Variants in SPIDR observed in about 807,000 individuals in gnomAD.
The protein encoded by SPIDR is DNA repair-scaffolding protein.
Under a neutral mutation model 104.6 loss-of-function variants are expected in SPIDR, and 93 were observed. The ratio of observed to expected loss-of-function variants is 0.89; its 90% confidence interval spans 0.75 to 1.06. The LOEUF (loss-of-function observed/expected upper bound fraction) is 1.06, where lower values mean the gene tolerates loss of function less well. SPIDR is among the 50% of genes least tolerant of loss of function. SPIDR has a pLI of 0.00. For missense variants in SPIDR, 1,154 were observed against 1,111.2 expected (o/e 1.04, Z -0.55); for synonymous variants, 431 against 416.9 (o/e 1.03, Z -0.41).
At chr8:47,466,944 G>A (rs12547977) in intron 8 of SPIDR, among the ~76,000 whole-genome samples, 1 of 134,070 alleles carries the variant, frequency 7.5e-6, no homozygotes, top group Non-Finnish European at 1.6e-5. Context: ...TAGATAGATA[G>A]ATAGATATAA....
chr8:47,454,279 A>G (rs920041908), intron 8 of SPIDR, among the ~76,000 whole-genome samples: 9 of 152,220 alleles, frequency 5.9e-5, no homozygotes, highest in African/African-American at 1.9e-4. Context: ...CATACACACC[A>G]TGGAATACCA....
chr8:47,589,122 C>G (rs538623046), intron 8 of SPIDR, among the ~76,000 whole-genome samples: 439 of 128,176 alleles, frequency 3.4e-3, no homozygotes, highest in Middle Eastern at 0.021. Context: ...CTTCTGTTTT[C>G]TAGAAGACAG....
chr8:47,522,265 C>T (rs764337716), intron 8 of SPIDR, among the ~76,000 whole-genome samples: 27 of 151,844 alleles, frequency 1.8e-4, no homozygotes, highest in Non-Finnish European at 3.2e-4. Flanking sequence ...TCCTCCTGTG[C>T]GCCACTCTTC....
At chr8:47,380,022 G>T (rs2059140451) in intron 5 of SPIDR, among the ~76,000 whole-genome samples, 1 of 152,044 alleles carries the variant, frequency 6.6e-6, no homozygotes, top group Non-Finnish European at 1.5e-5. Flanking sequence ...TTAATTCTTT[G>T]CCTTGAATAA....
At chr8:47,510,240 ATGTC>A (rs1170854367) in intron 8 of SPIDR, among the ~76,000 whole-genome samples, 11 of 152,240 alleles carry the variant, frequency 7.2e-5, no homozygotes, top group African/African-American at 4.8e-5. Context: ...TCTTGGCAAA[ATGTC>A]TGTGTCAACT....
At chr8:47,573,938 A>T (rs1431019274) in intron 8 of SPIDR, among the ~76,000 whole-genome samples, 1 of 152,200 alleles carries the variant, frequency 6.6e-6, no homozygotes, top group Admixed American at 6.5e-5. Context: ...ATTCAAGAGA[A>T]ATTATGCTTC....
chr8:47,524,011 A>G (rs1017940922), intron 8 of SPIDR, among the ~76,000 whole-genome samples: 1 of 152,240 alleles, frequency 6.6e-6, no homozygotes, highest in Non-Finnish European at 1.5e-5. Context: ...CTGGTGTGGT[A>G]GCTTCTAAAA....
At chr8:47,597,180 A>G (rs922039404) in intron 9 of SPIDR, among the ~76,000 whole-genome samples, 2 of 152,272 alleles carry the variant, frequency 1.3e-5, no homozygotes, top group African/African-American at 4.8e-5. Flanking sequence ...TACTGTACAT[A>G]ACAGGATGTG....
In SPIDR at chr8:47,694,819, T is replaced by TA. The variant is rs528942797; in HGVS notation, c.1686-5575dup. On this transcript the variant is annotated intron_variant, in intron 11 of 19. Transcript: ENST00000297423. ...AAATGAGGGCCCAAAGAGGTTTTTT[T>TA]AAAAAAAAATATGAGTTAATCAGTA... Among the ~76,000 whole-genome samples, 56 of 151,032 alleles carry TA rather than the reference T, an allele frequency of 3.7e-4. No homozygotes were observed. In the South Asian group the frequency reaches 7.1e-3, roughly 19 times the overall value.
intron 8 of SPIDR, among the ~76,000 whole-genome samples, chr8:47,544,089 A>G (rs2088788938): frequency 6.6e-6 from 1 of 151,866 alleles, no homozygotes; most frequent in African/African-American, 2.4e-5. Context: ...CCTTTGGCCA[A>G]GAGGGTTCTG....
At chr8:47,696,007 C>A (rs2079282530) in intron 11 of SPIDR, among the ~76,000 whole-genome samples, 1 of 152,176 alleles carries the variant, frequency 6.6e-6, no homozygotes, top group Admixed American at 6.5e-5. Flanking sequence ...CCAGGACTTG[C>A]CCCATCCTCA....
At position 47,735,578 on chromosome 8, in the gene SPIDR, A is replaced by G; in HGVS notation, c.*128A>G. The G allele has an allele frequency of 6.6e-7, 1 of 1,523,704 alleles. No homozygotes were observed. The highest frequency in any genetic ancestry group is 1.2e-5 in the South Asian group (1 of 82,894). The allele number at this position is 1,523,704 out of a possible 1,614,324, so 94.4% of individuals were successfully genotyped here. A position where few individuals can be genotyped will look rare whatever the true frequency, so the allele number is the denominator to read the frequency against. The stretch of plus-strand genomic sequence containing the variant: ...AGTTTACGATCTTGAAATGAAACTT[A>G]GATTTTTCTGGGGAAATGTTCAGAT... On this transcript the variant is annotated 3_prime_UTR_variant, in exon 20 of 20. Transcript: ENST00000297423.
At chr8:47,643,962 G>C (rs2069707415) in intron 10 of SPIDR, among the ~76,000 whole-genome samples, 2 of 152,148 alleles carry the variant, frequency 1.3e-5, no homozygotes, top group African/African-American at 2.4e-5. Flanking sequence ...ACATGTAAAT[G>C]CTTTTTAACT....
chr8:47,541,111 C>T (rs1212750730), intron 8 of SPIDR, among the ~76,000 whole-genome samples: 3 of 152,208 alleles, frequency 2.0e-5, no homozygotes, highest in African/African-American at 4.8e-5. Flanking sequence ...CCGCCTTCCT[C>T]GGCCTCCCAA....
intron 8 of SPIDR, among the ~76,000 whole-genome samples, chr8:47,492,304 G>T (rs1412423587): frequency 1.3e-5 from 2 of 152,074 alleles, no homozygotes; most frequent in Non-Finnish European, 2.9e-5. Flanking sequence ...TCTTCCCAAG[G>T]TATAAGACCA....
intron 8 of SPIDR, among the ~76,000 whole-genome samples, chr8:47,572,673 A>AAAATAAATAAATAAAT (rs56105115): frequency 0.048 from 7,007 of 145,822 alleles, 229 homozygotes; most frequent in Non-Finnish European, 0.067. Flanking sequence ...AAATTAAATT[A>AAAATAAATAAATAAAT]AAATAAATAA....
rs1247982558 is a variant in SPIDR at position 47,325,347 on chromosome 8, A to C, written c.525+31317A>C. Among the ~76,000 whole-genome samples, 14 of 152,298 alleles carry C rather than the reference A, an allele frequency of 9.2e-5. 1 individual carries two copies. The highest frequency in any genetic ancestry group is 7.8e-4 in the Admixed American group (12 of 15,288). Reference sequence around the variant, plus strand: ...ATATTAAAATTAGAGCAACATAAGGAAATTGATTTTTCTCCACATTTCTGG... The same window carrying C: ...ATATTAAAATTAGAGCAACATAAGGCAATTGATTTTTCTCCACATTTCTGG... On this transcript the variant is annotated intron_variant, in intron 5 of 19. Transcript: ENST00000297423.
chr8:47,392,264 G>A (rs945855730), intron 5 of SPIDR, among the ~76,000 whole-genome samples: 2 of 152,094 alleles, frequency 1.3e-5, no homozygotes, highest in African/African-American at 4.8e-5. Context: ...GTAGGGAGTA[G>A]GGCTGAGACC....
At chr8:47,342,221 C>T (rs1316295714) in intron 5 of SPIDR, among the ~76,000 whole-genome samples, 1 of 151,888 alleles carries the variant, frequency 6.6e-6, no homozygotes, top group Non-Finnish European at 1.5e-5. Context: ...GCCTGACCTC[C>T]TGCATGGGCT....
Sources: gnomAD v4.1 joint callset for allele counts (sites outside exome capture counted in the v4.1 genomes callset) on GRCh38, gnomAD v4.1.1 for gene constraint, MANE v1.5 for transcripts, NCBI Gene and HGNC (gene_info 2026-07-23, HGNC 2026-07-21) for gene names.